The following NID2 variants were observed in gnomAD, a reference collection of about 807,000 sequenced individuals.
NID2 encodes the protein nidogen-2.
A neutral mutation model predicts 145.4 loss-of-function variants in NID2; 83 were observed. That is an observed-to-expected ratio of 0.57 (90% CI 0.48 to 0.69). NID2 has a LOEUF of 0.69. Among genes scored for constraint, NID2 ranks in the 30% least tolerant of loss-of-function variants. NID2 has a pLI of 0.00. For missense variants in NID2, 1,807 were observed against 1,765.7 expected (o/e 1.02, Z -0.42); for synonymous variants, 739 against 701.3 (o/e 1.05, Z -0.85).
rs1297191813 is a variant in NID2 at position 52,042,092 on chromosome 14, A to G, written c.1825+13T>C. ...CAATGCTGACTACCGGCCTTCTCAG[A>G]GGCCCTACTCACCTGCGAGGCTGAA... On this transcript the variant is annotated intron_variant, in intron 7 of 21. Transcript: ENST00000216286. The G allele has an allele frequency of 6.4e-7, 1 of 1,569,462 alleles. No individual in the cohort carries two copies. The highest frequency in any genetic ancestry group is 2.3e-5 in the East Asian group (1 of 44,438).
chr14:52,019,908 G>A (rs1353043765), intron 13 of NID2, 151 bp downstream of exon 13: 3 of 1,032,104 alleles, frequency 2.9e-6, no homozygotes, highest in Middle Eastern at 3.2e-4. Context: ...CAGTAAACTA[G>A]GCAGCAGGAG....
At chr14:52,026,839 A>C (rs963622952) in intron 12 of NID2, among the ~76,000 whole-genome samples, 1 of 152,240 alleles carries the variant, frequency 6.6e-6, no homozygotes, top group Non-Finnish European at 1.5e-5. Context: ...ATATCACTTA[A>C]AGCAGAAGAG....
Position 52,042,829 on chromosome 14 carries a change from T to C in NID2, c.1532A>G (p.His511Arg). The C allele has an allele frequency of 6.2e-7, 1 of 1,614,180 alleles. No homozygotes were observed. Among genetic ancestry groups the C allele is most frequent in the Non-Finnish European group, 8.5e-7 (1 of 1,180,038 alleles). The change falls in exon 6 of 22, where the codon CAC becomes CGC. Residue 511 changes from histidine to arginine, a missense_variant. Coordinates refer to ENST00000216286, the MANE Select transcript of NID2 (RefSeq NM_007361.4). The stretch of plus-strand genomic sequence containing the variant: ...ATTTCCATAAAACTTGGATTGGCAG[T>C]GGCAGCAGAAGCCAGTGGCATAGTC... ...CTDYATGFCC[H>R]CQSKFYGNGK... is the part of the protein sequence containing the mutation.
At chr14:52,020,337 A>T (rs1011702389) in intron 12 of NID2, 159 bp from the exon 13 acceptor site, 2 of 1,223,328 alleles carry the variant, frequency 1.6e-6, no homozygotes, top group African/African-American at 3.1e-5. Flanking sequence ...TGACACCTAA[A>T]GGTAAGCTTA....
intron 9 of NID2, among the ~76,000 whole-genome samples, chr14:52,035,754 C>G (rs1892038161): frequency 6.6e-6 from 1 of 151,610 alleles, no homozygotes; most frequent in South Asian, 2.1e-4. Flanking sequence ...TCTTGGCTCA[C>G]TGCAACCTCC....
intron 14 of NID2, among the ~76,000 whole-genome samples, chr14:52,016,110 C>A (rs972423073): frequency 1.3e-5 from 2 of 152,178 alleles, no homozygotes; most frequent in Non-Finnish European, 2.9e-5. Context: ...TGGTTGAAGT[C>A]CTGCTGGCTT....
rs764389447 is a variant in NID2 at position 52,030,590 on chromosome 14, G to GGT, written c.2258-901_2258-900insAC. On this transcript the variant is annotated intron_variant, in intron 9 of 21. Transcript: ENST00000216286. ...AAAGGAAGGAAGGGAAAGAAAGAAA[G>GGT]AAAGAAAGAAAGAAAGAGAAAGAAA... 6.0e-3 allele frequency among the ~76,000 whole-genome samples: 186 copies of GGT among 30,930 alleles called. 12 individuals carry two copies. Among genetic ancestry groups the GGT allele is most frequent in the South Asian group, 0.034 (15 of 436 alleles). 20.3% of individuals were successfully genotyped at this position (30,930 alleles called of 152,430 possible).
intron 5 of NID2, among the ~76,000 whole-genome samples, chr14:52,044,955 G>C (rs979049501): frequency 1.3e-5 from 2 of 152,150 alleles, no homozygotes; most frequent in Admixed American, 1.3e-4. Flanking sequence ...TGCAGATAAA[G>C]CTGAGGCACA....
chr14:52,046,393 T>C (rs1275770690), intron 5 of NID2, among the ~76,000 whole-genome samples: 1 of 151,926 alleles, frequency 6.6e-6, no homozygotes, highest in African/African-American at 2.4e-5. Flanking sequence ...TACAAGCTGT[T>C]CTGCCCACAA....
At chr14:52,067,739 G>T in intron 2 of NID2, 119 bp downstream of exon 2, 2 of 1,205,002 alleles carry the variant, frequency 1.7e-6, no homozygotes, top group Non-Finnish European at 2.4e-6. Flanking sequence ...TGCCTCCAAG[G>T]TCAGGTTCAG....
chr14:52,045,643 GA>G (rs375498980), intron 5 of NID2, among the ~76,000 whole-genome samples: 11 of 151,588 alleles, frequency 7.3e-5, no homozygotes, highest in African/African-American at 2.4e-4. Context: ...TTAAGAAAGG[GA>G]AAAAAACATT....
chr14:52,006,344 A>AAAGGATGATTTCAAAAACATG, intron 20 of NID2, 193 bp downstream of exon 20: 1 of 588,140 alleles, frequency 1.7e-6, no homozygotes, highest in Non-Finnish European at 3.0e-6. Context: ...GGGTGAAGTA[A>AAAGGATGATTTCAAAAACATG]AAGGATGATT....
At chr14:52,041,155 C>A in intron 7 of NID2, among the ~76,000 whole-genome samples, 1 of 148,622 alleles carries the variant, frequency 6.7e-6, no homozygotes, top group South Asian at 2.2e-4. Flanking sequence ...TAGCAAAAAA[C>A]AAACAAACAA....
chr14:52,011,474 G>A (rs764480150), intron 17 of NID2, 80 bp downstream of exon 17: 101 of 1,570,996 alleles, frequency 6.4e-5, no homozygotes, highest in East Asian at 9.0e-5. Context: ...GAGAAAAATC[G>A]AGGGGAGACT....
At chr14:52,029,200 G>A (rs1002592773) in intron 10 of NID2, among the ~76,000 whole-genome samples, 1 of 152,124 alleles carries the variant, frequency 6.6e-6, no homozygotes. Flanking sequence ...CACAATGTCT[G>A]TCTAAAATTT....
rs1891351704 is a variant in NID2, at chr14:52,020,177, A to G, written c.2676T>C (p.Asp892=). 1 of 1,613,642 alleles carries G rather than the reference A, an allele frequency of 6.2e-7. No homozygotes were observed. The highest frequency in any genetic ancestry group is 8.5e-7 in the Non-Finnish European group (1 of 1,179,616). Residue 892 remains aspartate (D), a splice_region_variant and synonymous_variant, in exon 13 of 22, where the codon GAT becomes GAC. Coordinates refer to ENST00000216286, the MANE Select transcript of NID2 (RefSeq NM_007361.4). ...ATCTGTTTTCTGAGCATTCATCTAC[A>G]TCTGCAGAGGTCAGAAACAGAAGAA... ...GYAGDGHQCT[D]VDECSENRCH...
intron 1 of NID2, among the ~76,000 whole-genome samples, 159 bp from the exon 2 acceptor site, chr14:52,068,322 G>T (rs1893299274): frequency 6.6e-6 from 1 of 152,322 alleles, no homozygotes; most frequent in Non-Finnish European, 1.5e-5. Flanking sequence ...CAACTTTTGC[G>T]ACTGTCCCAG....
chr14:52,027,005 G>A lies in NID2; in HGVS notation c.2674+196C>T, dbSNP rs60511209. Among the ~76,000 whole-genome samples, 12,988 of 152,228 alleles carry A rather than the reference G, an allele frequency of 0.085. 621 individuals are homozygous for A. Among genetic ancestry groups the A allele is most frequent in the Middle Eastern group, 0.15 (45 of 294 alleles). On this transcript the variant is annotated intron_variant, in intron 12 of 21. Coordinates refer to ENST00000216286, the MANE Select transcript of NID2 (RefSeq NM_007361.4). ...TCCGCCAAGGAAGCCATATATGCTC[G>A]CCCATCTAGTCCAGAGGAAATCACC...
In NID2 at chr14:52,060,167, A is replaced by G; in HGVS notation, c.724T>C (p.Phe242Leu). 1 of 1,614,012 alleles carries G rather than the reference A, an allele frequency of 6.2e-7. No homozygotes were observed. Among genetic ancestry groups the G allele is most frequent in the Non-Finnish European group, 8.5e-7 (1 of 1,179,916 alleles). The change falls in exon 3 of 22, where the codon TTC becomes CTC. Residue 242 changes from phenylalanine to leucine, a missense_variant. By Grantham distance (22) the Phe-to-Leu change is conservative. Transcript: ENST00000216286. The stretch of plus-strand genomic sequence containing the variant: ...GACTGTTCAGTGCTAGTCAAGCTGA[A>G]ATATGGTCCTTCTGACTTCAGATCA... Reference protein sequence around the residue: ...ADDLKSEGPYFSLTSTEQSVK... With the variant: ...ADDLKSEGPYLSLTSTEQSVK...
Sources: gnomAD v4.1 joint callset for allele counts (sites outside exome capture counted in the v4.1 genomes callset) on GRCh38, gnomAD v4.1.1 for gene constraint, MANE v1.5 for transcripts, NCBI Gene and HGNC (gene_info 2026-07-23, HGNC 2026-07-21) for gene names.